The following CACNG7 variants were observed in gnomAD, a reference collection of about 807,000 sequenced individuals.
CACNG7 encodes calcium voltage-gated channel auxiliary subunit gamma 7, also known as voltage-dependent calcium channel gamma-7 subunit.
In CACNG7, 9 loss-of-function variants were observed where a neutral mutation model predicts 26.3. The ratio of observed to expected loss-of-function variants is 0.34; its 90% confidence interval spans 0.21 to 0.60. The LOEUF (loss-of-function observed/expected upper bound fraction) is 0.60. CACNG7 is among the 20% of genes least tolerant of loss of function. The probability of loss-of-function intolerance (pLI) is 0.81; values close to 1 mark genes in which losing one functional copy is unlikely to be tolerated. For synonymous variants in CACNG7, 170 were observed against 157.0 expected, an observed-to-expected ratio of 1.08 and a Z score of -0.62; for missense variants, 297 against 380.4, an observed-to-expected ratio of 0.78 and a Z score of 1.82.
chr19:53,928,710 T>C (rs2069050555), intron 4 of CACNG7, among the ~76,000 whole-genome samples: 1 of 152,138 alleles, frequency 6.6e-6, no homozygotes, highest in South Asian at 2.1e-4. Flanking sequence ...GTTTCTCCTG[T>C]GGACAATGAG....
chr19:53,925,754 A>G (rs2069025642), intron 4 of CACNG7, among the ~76,000 whole-genome samples: 1 of 152,200 alleles, frequency 6.6e-6, no homozygotes, highest in Non-Finnish European at 1.5e-5. Context: ...AGAGACTGGA[A>G]ATGTACAAAC....
In CACNG7 at chr19:53,914,648, C is replaced by T. The variant is rs1263240214; in HGVS notation, c.283+62C>T. On this transcript the variant is annotated intron_variant, in intron 3 of 5. Coordinates refer to ENST00000391767, the MANE Select transcript of CACNG7 (RefSeq NM_031896.5). ...AAGATCACAGCCGAGTCGTGGAGTCCTGGGAGGGGGCAGGACTAGGGAAAG... is the reference window on the plus strand; with the variant it reads ...AAGATCACAGCCGAGTCGTGGAGTCTTGGGAGGGGGCAGGACTAGGGAAAG... 2.7e-6 allele frequency: 4 copies of T among 1,461,128 alleles called. No homozygotes were observed. The African/African-American group carries it at 4.2e-5, about 15-fold the overall frequency. The allele number at this position is 1,461,128 out of a possible 1,614,324, so 90.5% of individuals were successfully genotyped here. A position where few individuals can be genotyped will look rare whatever the true frequency, so the allele number is the denominator to read the frequency against.
intron 4 of CACNG7, among the ~76,000 whole-genome samples, chr19:53,919,947 G>C (rs2068927821): frequency 7.7e-6 from 1 of 129,250 alleles, no homozygotes. Flanking sequence ...TATTGGTGGA[G>C]TTGCCCCAGG....
chr19:53,929,751 C>T (rs1462396555), intron 4 of CACNG7, among the ~76,000 whole-genome samples: 3 of 152,078 alleles, frequency 2.0e-5, no homozygotes, highest in Admixed American at 6.6e-5. Flanking sequence ...CCTATAATCA[C>T]TCCCTTACTG....
At chr19:53,936,670 G>A (rs1338283246) in intron 4 of CACNG7, among the ~76,000 whole-genome samples, 1 of 152,000 alleles carries the variant, frequency 6.6e-6, no homozygotes, top group African/African-American at 2.4e-5. Flanking sequence ...TTGCAGTGGT[G>A]GGATCTCGGC....
At chr19:53,933,707 A>G (rs1006066461) in intron 4 of CACNG7, among the ~76,000 whole-genome samples, 13 of 137,654 alleles carry the variant, frequency 9.4e-5, no homozygotes, top group East Asian at 4.3e-4. Flanking sequence ...AGGTGGTGCT[A>G]TTCACATCCT....
intron 4 of CACNG7, among the ~76,000 whole-genome samples, chr19:53,925,919 G>A (rs1033040812): frequency 8.5e-5 from 13 of 152,206 alleles, no homozygotes; most frequent in African/African-American, 2.9e-4. Flanking sequence ...GTTGGTAGAA[G>A]TGGGAGGAAG....
At chr19:53,941,359 G>C in intron 4 of CACNG7, 111 bp from the exon 5 acceptor site, 1 of 1,255,986 alleles carries the variant, frequency 8.0e-7, no homozygotes, top group Admixed American at 2.9e-5. Flanking sequence ...GGGGCTTCAG[G>C]GAAGTTAGTC....
At position 53,909,726 on chromosome 19, in the gene CACNG7, A is replaced by G. The variant is rs1398880033; in HGVS notation, c.-30+209A>G. Reference sequence around the variant, plus strand: ...CGGGGTCCGAGGGTCCCGGAGTGGGAAACTGCACTCCTCGCGTCCGAGTCG... The same window carrying G: ...CGGGGTCCGAGGGTCCCGGAGTGGGGAACTGCACTCCTCGCGTCCGAGTCG... On this transcript the variant is annotated intron_variant, in intron 1 of 5. Transcript: ENST00000391767. This position sits in a 1 kb window ranked among gnomAD's most constrained non-coding sequence, Gnocchi z 5.1. 6.6e-6 allele frequency among the ~76,000 whole-genome samples: 1 copy of G among 152,024 alleles called. No individual in the cohort carries two copies. The highest frequency in any genetic ancestry group is 2.4e-5 in the African/African-American group (1 of 41,396).
intron 4 of CACNG7, among the ~76,000 whole-genome samples, chr19:53,933,297 ATT>A (rs1009491295): frequency 3.2e-5 from 4 of 126,050 alleles, no homozygotes; most frequent in Non-Finnish European, 5.0e-5. Context: ...CGCCTGGCCA[ATT>A]TTTTTTTTTT....
intron 3 of CACNG7, among the ~76,000 whole-genome samples, chr19:53,915,043 A>C (rs2145898173): frequency 6.6e-6 from 1 of 150,866 alleles, no homozygotes; most frequent in Admixed American, 6.6e-5. Context: ...AGAAAGAAAG[A>C]AGGCAAGGCA....
In CACNG7 at chr19:53,912,814, C is replaced by T. The variant is rs371463632; in HGVS notation, c.-18C>T. On this transcript the variant is annotated 5_prime_UTR_variant, in exon 2 of 6. Transcript: ENST00000391767. The surrounding 1 kb of genome is among the most constrained non-coding windows in gnomAD (Gnocchi z 4.6). The stretch of plus-strand genomic sequence containing the variant: ...CTTCCCTTCCACAGGCCCCGCAGGG[C>T]GCCCCCTGCCTCTGAGGATGAGTCA... 74 of 1,609,316 alleles carry T rather than the reference C, an allele frequency of 4.6e-5. No homozygotes were observed. The highest frequency in any genetic ancestry group is 6.7e-5 in the African/African-American group (5 of 74,892).
chr19:53,936,737 T>A (rs1018241590), intron 4 of CACNG7, among the ~76,000 whole-genome samples: 1 of 152,154 alleles, frequency 6.6e-6, no homozygotes, highest in East Asian at 1.9e-4. Context: ...GCCTCCCAGG[T>A]AGCTGGGATT....
chr19:53,935,324 T>C (rs889984947), intron 4 of CACNG7, among the ~76,000 whole-genome samples: 38 of 138,042 alleles, frequency 2.8e-4, no homozygotes, highest in African/African-American at 1.0e-3. Context: ...CAATACTGTC[T>C]TTTTTTTTTT....
Position 53,920,844 on chromosome 19 carries a change from T to TC in CACNG7, c.424+5339_424+5340insC, listed in dbSNP as rs201907519. The stretch of plus-strand genomic sequence containing the variant: ...TTGGTGGAGTTGTCCCCAGGCCTGG[T>TC]ATTGGTGGAGTTGCCCCAGGTCTGG... On this transcript the variant is annotated intron_variant, in intron 4 of 5. Coordinates refer to ENST00000391767, the MANE Select transcript of CACNG7 (RefSeq NM_031896.5). 2.1e-4 allele frequency among the ~76,000 whole-genome samples: 14 copies of TC among 66,768 alleles called. 2 individuals are homozygous for TC. Among genetic ancestry groups the TC allele is most frequent in the Non-Finnish European group, 3.1e-4 (12 of 38,918 alleles). The allele number at this position is 66,768 out of a possible 152,430, so 43.8% of individuals were successfully genotyped here. A position where few individuals can be genotyped will look rare whatever the true frequency, so the allele number is the denominator to read the frequency against.
intron 4 of CACNG7, among the ~76,000 whole-genome samples, chr19:53,928,124 T>C (rs1162450135): frequency 6.6e-6 from 1 of 151,714 alleles, no homozygotes; most frequent in Non-Finnish European, 1.5e-5. Flanking sequence ...CCAGGGCTAA[T>C]GCAAAATGGC....
At chr19:53,934,463 T>C (rs903067949) in intron 4 of CACNG7, among the ~76,000 whole-genome samples, 6 of 152,138 alleles carry the variant, frequency 3.9e-5, no homozygotes, top group Admixed American at 3.9e-4. Context: ...ATGGAAAAGG[T>C]AGGTTTTTCT....
Position 53,941,530 on chromosome 19 carries a change from A to G in CACNG7, c.485A>G (p.Asn162Ser). The change falls in exon 5 of 6, where the codon AAC becomes AGC. Residue 162 changes from asparagine to serine, a missense_variant. Asn to Ser is a conservative substitution (Grantham distance 46). Transcript: ENST00000391767. ...YISSINDEVMNRPSSSEQYFH... is the reference protein window; with the variant it reads ...YISSINDEVMSRPSSSEQYFH... ...TCCAGCATCAACGACGAGGTCATGA[A>G]CAGGCCCAGCAGCTCTGAGCAGTAT... is the stretch of plus-strand genomic sequence containing the variant. 1 of 1,602,660 alleles carries G rather than the reference A, an allele frequency of 6.2e-7. No individual in the cohort carries two copies. The highest frequency in any genetic ancestry group is 8.5e-7 in the Non-Finnish European group (1 of 1,176,182).
Position 53,924,819 on chromosome 19 carries a change from G to A in CACNG7, c.424+9314G>A, listed in dbSNP as rs1599985230. On this transcript the variant is annotated intron_variant, in intron 4 of 5. Coordinates refer to ENST00000391767, the MANE Select transcript of CACNG7 (RefSeq NM_031896.5). The stretch of plus-strand genomic sequence containing the variant: ...CTGGTCATTGGTGGACTTGCCCCAG[G>A]TCTGGTCATTGGTGGAGTTGCCCCA... Among the ~76,000 whole-genome samples the A allele has an allele frequency of 2.1e-5, 3 of 142,772 alleles. No individual in the cohort carries two copies. In the South Asian group the frequency reaches 7.0e-4, roughly 33 times the overall value. The allele number at this position is 142,772 out of a possible 152,430, so 93.7% of individuals were successfully genotyped here.
Sources: allele counts gnomAD v4.1 joint callset (sites outside exome capture counted in the v4.1 genomes callset), GRCh38; gene constraint gnomAD v4.1.1; non-coding constraint Gnocchi (gnomAD v3.1); transcripts MANE v1.5; gene names NCBI Gene and HGNC (gene_info 2026-07-23, HGNC 2026-07-21).